The following FOCAD variants were observed in gnomAD, a reference collection of about 807,000 sequenced individuals.
FOCAD encodes KIAA1797.
A neutral mutation model predicts 225.6 loss-of-function variants in FOCAD; 198 were observed. That is an observed-to-expected ratio of 0.88 (90% CI 0.78 to 0.99). The LOEUF (loss-of-function observed/expected upper bound fraction) is 0.99. Among genes scored for constraint, FOCAD ranks in the 50% least tolerant of loss-of-function variants. The pLI is 0.00. For missense variants in FOCAD, 2,713 were observed against 2,123.6 expected (o/e 1.28, Z -5.46); for synonymous variants, 897 against 755.0 (o/e 1.19, Z -3.08).
intron 1 of FOCAD, among the ~76,000 whole-genome samples, chr9:20,695,300 G>C (rs1823272534): frequency 6.6e-6 from 1 of 152,094 alleles, no homozygotes; most frequent in Non-Finnish European, 1.5e-5. Context: ...ATGCTAAGAT[G>C]AATCAATGGA....
At chr9:20,801,508 A>C (rs1022400121) in intron 11 of FOCAD, among the ~76,000 whole-genome samples, 4 of 152,170 alleles carry the variant, frequency 2.6e-5, no homozygotes, top group African/African-American at 9.6e-5. Flanking sequence ...ATTGTAATTT[A>C]GGATACAAAT....
chr9:20,948,404 C>G lies in FOCAD; in HGVS notation c.3798+11C>G. The G allele has an allele frequency of 6.2e-7, 1 of 1,606,962 alleles. No individual in the cohort carries two copies. Among genetic ancestry groups the G allele is most frequent in the Non-Finnish European group, 8.5e-7 (1 of 1,176,724 alleles). On this transcript the variant is annotated intron_variant, in intron 31 of 43. Coordinates refer to ENST00000338382, the MANE Select transcript of FOCAD (RefSeq NM_001375567.1). ...ATTGTTCTAACAGAGGTAGAGGTCA[C>G]CTGTTGTATGCTATTTCATATTTTT...
At chr9:20,763,318 T>C (rs1014384332) in intron 6 of FOCAD, among the ~76,000 whole-genome samples, 2 of 152,272 alleles carry the variant, frequency 1.3e-5, no homozygotes, top group Non-Finnish European at 1.5e-5. Context: ...ATTAAGTATG[T>C]AATAATAACA....
Position 20,907,389 on chromosome 9 carries a change from G to A in FOCAD, c.2718+147G>A, listed in dbSNP as rs1279844522. The A allele has an allele frequency of 4.2e-6, 3 of 707,636 alleles. No individual in the cohort carries two copies. The Admixed American group carries it at 6.6e-5, about 15-fold the overall frequency. 43.8% of individuals were successfully genotyped at this position (707,636 alleles called of 1,614,324 possible). On this transcript the variant is annotated intron_variant, in intron 22 of 43. Coordinates refer to ENST00000338382, the MANE Select transcript of FOCAD (RefSeq NM_001375567.1). ...ATTTTTACTCATAAAAGAATGTGAGGCATATATATATAGCATTGCTGCACT... is the reference window on the plus strand; with the variant it reads ...ATTTTTACTCATAAAAGAATGTGAGACATATATATATAGCATTGCTGCACT...
chr9:20,929,305 T>C (rs1233719770), intron 26 of FOCAD, 53 bp from the exon 27 acceptor site: 1 of 1,407,462 alleles, frequency 7.1e-7, no homozygotes, highest in Non-Finnish European at 1.0e-6. Flanking sequence ...ATGATAGGTA[T>C]GCTTCCTTCA....
intron 22 of FOCAD, among the ~76,000 whole-genome samples, chr9:20,909,793 T>G (rs1417978026): frequency 6.6e-6 from 1 of 152,118 alleles, no homozygotes; most frequent in African/African-American, 2.4e-5. Flanking sequence ...AAATAGAGTT[T>G]ATGGTATCTT....
intron 22 of FOCAD, among the ~76,000 whole-genome samples, chr9:20,909,591 A>G (rs1486741336): frequency 6.6e-6 from 1 of 152,056 alleles, no homozygotes; most frequent in East Asian, 1.9e-4. Context: ...AAATCCCTTT[A>G]CTTTGTATTT....
intron 35 of FOCAD, among the ~76,000 whole-genome samples, chr9:20,968,431 CTT>C (rs35624897): frequency 2.3e-5 from 1 of 43,636 alleles, no homozygotes; most frequent in East Asian, 9.1e-4. Flanking sequence ...TTTTCTTATT[CTT>C]TTTTTTTTTT....
At position 20,821,031 on chromosome 9, in the gene FOCAD, A is replaced by G. The variant is rs1824268256; in HGVS notation, c.1753A>G (p.Ile585Val). 6.2e-7 allele frequency: 1 copy of G among 1,612,844 alleles called. No homozygotes were observed. The highest frequency in any genetic ancestry group is 1.1e-5 in the South Asian group (1 of 91,050). Residue 585 changes from isoleucine to valine, a missense_variant, in exon 14 of 44, where the codon ATT becomes GTT. Transcript: ENST00000338382. ...CAAGGAAGTCCAATGGGAGAAACTG[A>G]TTGCAAAAGCAGCATCAATCAGAGA... ...VGKEVQWEKL[I>V]AKAASIRDIC...
chr9:20,976,378 G>A (rs754322751), intron 35 of FOCAD, 42 bp from the exon 36 acceptor site: 1 of 1,596,336 alleles, frequency 6.3e-7, no homozygotes. Context: ...TTCCATGATA[G>A]TATGCAGGTG....
At chr9:20,781,371 T>C (rs952706839) in intron 9 of FOCAD, among the ~76,000 whole-genome samples, 1 of 152,246 alleles carries the variant, frequency 6.6e-6, no homozygotes, top group Non-Finnish European at 1.5e-5. Context: ...TATGTTGGGC[T>C]TGTTAGCCAC....
chr9:20,762,816 C>T lies in FOCAD; in HGVS notation c.495-2053C>T, dbSNP rs184276637. 3.4e-3 allele frequency among the ~76,000 whole-genome samples: 518 copies of T among 152,064 alleles called. 3 individuals carry two copies. The highest frequency in any genetic ancestry group is 9.6e-3 in the African/African-American group (397 of 41,490). On this transcript the variant is annotated intron_variant, in intron 6 of 43. Coordinates refer to ENST00000338382, the MANE Select transcript of FOCAD (RefSeq NM_001375567.1). ...TAACAGGAAAATTTTCAGCCCTTGC[C>T]CCTCCTTCCCACCCTCTGTTTGGAG...
At chr9:20,845,527 G>A (rs1415915719) in intron 15 of FOCAD, among the ~76,000 whole-genome samples, 3 of 147,806 alleles carry the variant, frequency 2.0e-5, no homozygotes, top group Admixed American at 6.9e-5. Context: ...TTTATTGATG[G>A]ATATTTTATT....
At chr9:20,828,144 C>T (rs1177031765) in intron 15 of FOCAD, among the ~76,000 whole-genome samples, 1 of 149,162 alleles carries the variant, frequency 6.7e-6, no homozygotes, top group Non-Finnish European at 1.5e-5. Context: ...AAGAGCAAGA[C>T]TCTGTCTCAA....
intron 1 of FOCAD, among the ~76,000 whole-genome samples, chr9:20,687,662 T>C (rs981912384): frequency 3.3e-5 from 5 of 152,252 alleles, no homozygotes. Context: ...TAAATGTGAT[T>C]TTTAAAGACT....
At chr9:20,910,965 G>A (rs1399088318) in intron 22 of FOCAD, among the ~76,000 whole-genome samples, 1 of 152,100 alleles carries the variant, frequency 6.6e-6, no homozygotes, top group Non-Finnish European at 1.5e-5. Context: ...TCTTAAGAAG[G>A]TGCATGTATT....
chr9:20,874,062 A>G (rs1177383625), intron 18 of FOCAD: 1 of 152,194 alleles, frequency 6.6e-6, no homozygotes, highest in Admixed American at 6.5e-5. Context: ...CTAACTAATC[A>G]AAGAGCAGCC....
At chr9:20,935,153 T>C (rs1835836174) in intron 28 of FOCAD, among the ~76,000 whole-genome samples, 1 of 152,234 alleles carries the variant, frequency 6.6e-6, no homozygotes, top group Non-Finnish European at 1.5e-5. Flanking sequence ...ATTTGTAGAA[T>C]GTGATTTTGA....
chr9:20,799,878 G>T (rs979833548), intron 11 of FOCAD, among the ~76,000 whole-genome samples: 4 of 152,094 alleles, frequency 2.6e-5, no homozygotes, highest in Non-Finnish European at 4.4e-5. Flanking sequence ...GTGTGAATTT[G>T]ATCCTGTCAT....
Sources: gnomAD v4.1 joint callset for allele counts (sites outside exome capture counted in the v4.1 genomes callset) on GRCh38, gnomAD v4.1.1 for gene constraint, MANE v1.5 for transcripts, NCBI Gene and HGNC (gene_info 2026-07-23, HGNC 2026-07-21) for gene names.